The following ARHGAP22 variants were observed in gnomAD, a reference collection of about 807,000 sequenced individuals.
ARHGAP22 encodes rho GTPase-activating protein 22.
Under a neutral mutation model 59.1 loss-of-function variants are expected in ARHGAP22, and 48 were observed. The observed-to-expected ratio is 0.81, with a 90% CI of 0.64 to 1.03. The LOEUF (loss-of-function observed/expected upper bound fraction) is 1.03. ARHGAP22 is among the 50% of genes least tolerant of loss of function. The probability of loss-of-function intolerance (pLI) is 0.00; values close to 1 mark genes in which losing one functional copy is unlikely to be tolerated. For missense variants in ARHGAP22, 1,015 were observed against 958.7 expected, an observed-to-expected ratio of 1.06 and a Z score of -0.78; for synonymous variants, 445 against 416.4, an observed-to-expected ratio of 1.07 and a Z score of -0.84.
intron 4 of ARHGAP22, among the ~76,000 whole-genome samples, chr10:48,463,290 T>G (rs1001424594): frequency 1.3e-5 from 2 of 152,232 alleles, no homozygotes; most frequent in African/African-American, 4.8e-5. Context: ...TCACCTCTTC[T>G]GCTTTGACCT....
At chr10:48,439,222 G>A in the ARHGAP22 span, 1 of 150,144 alleles carries the variant, frequency 6.7e-6, no homozygotes, top group Non-Finnish European at 1.5e-5. Flanking sequence ...GGAATGCTGA[G>A]ATCATTATTG....
chr10:48,630,918 T>G (rs1480765906), intron 1 of ARHGAP22, among the ~76,000 whole-genome samples: 1 of 152,246 alleles, frequency 6.6e-6, no homozygotes, highest in Non-Finnish European at 1.5e-5. Flanking sequence ...GTAGGGTTTT[T>G]GTGGATGTCC....
At chr10:48,632,064 T>G (rs922081036) in intron 1 of ARHGAP22, among the ~76,000 whole-genome samples, 8 of 152,350 alleles carry the variant, frequency 5.3e-5, no homozygotes, top group Admixed American at 1.3e-4. Flanking sequence ...TCAGTGCACC[T>G]GTCACTCGAG....
chr10:48,441,561 C>T (rs1326306776), downstream of ARHGAP22, among the ~76,000 whole-genome samples: 1 of 151,604 alleles, frequency 6.6e-6, no homozygotes, highest in Non-Finnish European at 1.5e-5. Flanking sequence ...ATGCCATTCT[C>T]CTGCCTCAGC....
At chr10:48,545,282 G>A (rs977900969) in intron 3 of ARHGAP22, among the ~76,000 whole-genome samples, 2 of 152,176 alleles carry the variant, frequency 1.3e-5, no homozygotes, top group South Asian at 2.1e-4. Context: ...TCTAGGACAC[G>A]ATTTTGGCCA....
At chr10:48,430,978 T>G in the ARHGAP22 span, 2 of 572,676 alleles carry the variant, frequency 3.5e-6, no homozygotes. Context: ...ACAGGAAAGA[T>G]TAGTACTTCC....
At chr10:48,531,836 G>A (rs567862838) in intron 3 of ARHGAP22, among the ~76,000 whole-genome samples, 2 of 152,322 alleles carry the variant, frequency 1.3e-5, no homozygotes, top group South Asian at 2.1e-4. Flanking sequence ...GGACTCGATG[G>A]TGAATAAGAT....
chr10:48,493,033 C>T (rs1024431876), intron 3 of ARHGAP22, among the ~76,000 whole-genome samples: 4 of 152,152 alleles, frequency 2.6e-5, no homozygotes, highest in African/African-American at 9.7e-5. Flanking sequence ...AACAACACAT[C>T]TCAATTTGGA....
intron 2 of ARHGAP22, among the ~76,000 whole-genome samples, chr10:48,582,394 G>A (rs1302013638): frequency 5.3e-5 from 8 of 152,234 alleles, no homozygotes; most frequent in African/African-American, 7.2e-5. Flanking sequence ...ATGGGCCGCT[G>A]TGACGAGGCT....
chr10:48,593,204 A>G (rs769782768), intron 1 of ARHGAP22, among the ~76,000 whole-genome samples: 12 of 151,198 alleles, frequency 7.9e-5, no homozygotes, highest in Admixed American at 1.3e-4. Flanking sequence ...CTCTCTTATC[A>G]CTCTTTAGAA....
intron 3 of ARHGAP22, among the ~76,000 whole-genome samples, chr10:48,513,187 T>C (rs1009012697): frequency 6.6e-6 from 1 of 152,216 alleles, no homozygotes; most frequent in Non-Finnish European, 1.5e-5. Flanking sequence ...TTCCTTAACA[T>C]TACAGCTGCC....
At chr10:48,432,537 T>C in the ARHGAP22 span, among the ~76,000 whole-genome samples, 6 of 152,200 alleles carry the variant, frequency 3.9e-5, 1 homozygote, top group South Asian at 6.2e-4. Flanking sequence ...TTATAAATGC[T>C]TTGTGTAATT....
At chr10:48,503,608 C>T (rs1460555793) in intron 3 of ARHGAP22, among the ~76,000 whole-genome samples, 6 of 152,364 alleles carry the variant, frequency 3.9e-5, no homozygotes, top group Non-Finnish European at 8.8e-5. Flanking sequence ...GCTATTATCC[C>T]GCTGTCCTTC....
At chr10:48,478,683 C>T (rs893539860) in intron 4 of ARHGAP22, among the ~76,000 whole-genome samples, 3 of 152,204 alleles carry the variant, frequency 2.0e-5, no homozygotes, top group African/African-American at 7.2e-5. Context: ...TTTTCATGAC[C>T]ACTTCATATG....
chr10:48,506,324 G>A (rs2052135133), intron 3 of ARHGAP22, among the ~76,000 whole-genome samples: 1 of 152,184 alleles, frequency 6.6e-6, no homozygotes, highest in African/African-American at 2.4e-5. Flanking sequence ...CTATGGTACA[G>A]CCCATTGCTC....
intron 3 of ARHGAP22, among the ~76,000 whole-genome samples, chr10:48,547,884 G>A (rs2056583278): frequency 6.6e-6 from 1 of 152,226 alleles, no homozygotes; most frequent in South Asian, 2.1e-4. Flanking sequence ...TACAGTCATG[G>A]ACCATCTGGA....
intron 1 of ARHGAP22, among the ~76,000 whole-genome samples, chr10:48,623,674 A>G (rs1034776353): frequency 5.9e-5 from 9 of 152,120 alleles, no homozygotes; most frequent in African/African-American, 1.7e-4. Flanking sequence ...CCTGGATGCT[A>G]AAGAACCCTG....
chr10:48,435,904 C>T, the ARHGAP22 span: 1 of 152,202 alleles, frequency 6.6e-6, no homozygotes, highest in South Asian at 2.1e-4. Context: ...TTTTTGTATA[C>T]ACTGAGTTAA....
intron 3 of ARHGAP22, among the ~76,000 whole-genome samples, chr10:48,534,122 A>G (rs1304998256): frequency 6.6e-6 from 1 of 152,240 alleles, no homozygotes; most frequent in Non-Finnish European, 1.5e-5. Flanking sequence ...CCGGCCAGCC[A>G]GGTTCCCCAG....
Sources: allele counts gnomAD v4.1 joint callset (sites outside exome capture counted in the v4.1 genomes callset), GRCh38; gene constraint gnomAD v4.1.1; transcripts MANE v1.5; gene names NCBI Gene and HGNC (gene_info 2026-07-23, HGNC 2026-07-21).